COL6A2: variants seen among roughly 807,000 people sequenced by gnomAD.
COL6A2 encodes collagen alpha-2(VI) chain.
Under a neutral mutation model 124.9 loss-of-function variants are expected in COL6A2, and 90 were observed. The observed-to-expected ratio is 0.72, with a 90% CI of 0.61 to 0.86. The LOEUF (loss-of-function observed/expected upper bound fraction) is 0.86, where lower values mean the gene tolerates loss of function less well. Among genes scored for constraint, COL6A2 ranks in the 40% least tolerant of loss-of-function variants. The pLI is 0.00. For synonymous variants in COL6A2, 793 were observed against 618.2 expected, an observed-to-expected ratio of 1.28 and a Z score of -4.19; for missense variants, 1,607 against 1,502.5, an observed-to-expected ratio of 1.07 and a Z score of -1.15.
chr21:46,129,025 C>T (rs1258381894), intron 27 of COL6A2: 27 of 1,603,190 alleles, frequency 1.7e-5, no homozygotes, highest in Non-Finnish European at 2.1e-5. Context: ...ACTGCCCCCA[C>T]GCCTCCTGCC....
intron 1 of COL6A2, among the ~76,000 whole-genome samples, chr21:46,107,270 C>G (rs999760462): frequency 6.6e-6 from 1 of 151,962 alleles, no homozygotes; most frequent in Admixed American, 6.6e-5. Flanking sequence ...TTTTATCTTG[C>G]CTATATTCTT....
chr21:46,099,887 G>GTTTTTT (rs2078269010), intron 1 of COL6A2, among the ~76,000 whole-genome samples: 1 of 61,426 alleles, frequency 1.6e-5, no homozygotes, highest in African/African-American at 4.3e-5. Flanking sequence ...TAGCAGCACT[G>GTTTTTT]TCTTTTTTTT....
At chr21:46,122,357 G>T in intron 19 of COL6A2, 139 bp from the exon 20 acceptor site, 1 of 1,322,112 alleles carries the variant, frequency 7.6e-7, no homozygotes, top group Non-Finnish European at 1.1e-6. Context: ...AAAGAGCACA[G>T]CTCAGAACGC....
At chr21:46,117,475 C>T (rs370586142) in intron 11 of COL6A2, 22 bp downstream of exon 11, 104 of 1,611,618 alleles carry the variant, frequency 6.5e-5, no homozygotes, top group Middle Eastern at 1.7e-4. Flanking sequence ...TTGCACCCCT[C>T]CTTCAGCCTC....
At chr21:46,122,272 G>GT (rs1316838083) in intron 19 of COL6A2, 114 bp downstream of exon 19, 3 of 1,324,376 alleles carry the variant, frequency 2.3e-6, no homozygotes, top group Non-Finnish European at 3.2e-6. Context: ...AAAGTGTGAG[G>GT]TCCCTCCTGC....
Position 46,112,258 on chromosome 21 carries a change from C to G in COL6A2, c.395C>G (p.Thr132Ser). Residue 132 changes from threonine to serine, a missense_variant, in exon 3 of 28, where the codon ACC (threonine) becomes AGC (serine). This residue lies in a region of COL6A2 where 342 missense variants were observed against 381.5 expected (regional missense o/e 0.90). Coordinates refer to ENST00000300527, the MANE Select transcript of COL6A2 (RefSeq NM_001849.4). ...LQGISSFRRGTFTDCALANMT... is the reference protein window; with the variant it reads ...LQGISSFRRGSFTDCALANMT... ...GGCATCAGCTCCTTCCGCCGCGGCA[C>G]CTTCACCGACTGCGCGCTGGCCAAC... 6.2e-7 allele frequency: 1 copy of G among 1,612,806 alleles called. No individual in the cohort carries two copies. The highest frequency in any genetic ancestry group is 8.5e-7 in the Non-Finnish European group (1 of 1,179,990).
chr21:46,102,179 T>C (rs1011497541), intron 1 of COL6A2, among the ~76,000 whole-genome samples: 1 of 152,188 alleles, frequency 6.6e-6, no homozygotes, highest in African/African-American at 2.4e-5. Context: ...ATTGTTTTCT[T>C]AATTTCCTTT....
At chr21:46,123,920 G>A (rs1038072411) in intron 21 of COL6A2, among the ~76,000 whole-genome samples, 2 of 33,640 alleles carry the variant, frequency 5.9e-5, no homozygotes, top group East Asian at 6.9e-4. Context: ...GGTGGATAGA[G>A]GATGGATGGT....
rs751352333 is a variant in COL6A2 at position 46,128,861 on chromosome 21, G to T, written c.2461+2320G>T. 2.6e-6 allele frequency: 4 copies of T among 1,546,714 alleles called. No homozygotes were observed. The South Asian group carries it at 4.5e-5, about 17-fold the overall frequency. On this transcript the variant is annotated intron_variant, in intron 27 of 27. Transcript: ENST00000300527. ...GGGTCTTCCTGGCGACGGGCCTGCG[G>T]CACTGGAAGCCCTACTGGAGTTTGG...
rs150253422 is a variant in COL6A2 at position 46,125,610 on chromosome 21, C to A, written c.1962C>A (p.Ser654=). The A allele has an allele frequency of 5.6e-6, 9 of 1,611,362 alleles. No homozygotes were observed. In the East Asian group the frequency reaches 8.9e-5, roughly 16 times the overall value. Residue 654 remains serine (S), a synonymous_variant, in exon 25 of 28, where the codon TCC becomes TCA. Coordinates refer to ENST00000300527, the MANE Select transcript of COL6A2 (RefSeq NM_001849.4). The stretch of plus-strand genomic sequence containing the variant: ...GTGCCATCGCTAAGGACCCCAAGTC[C>A]GAGACAGGTCAGCGGGGCAGGGGCG... The part of the protein sequence containing the change: ...RLGAIAKDPK[S]ETGTRVGVVQ...
intron 16 of COL6A2, 42 bp downstream of exon 16, chr21:46,120,619 GA>G (rs533909701): frequency 7.0e-7 from 1 of 1,437,738 alleles, no homozygotes; most frequent in African/African-American, 1.4e-5. Flanking sequence ...TAGGGGATCT[GA>G]GGGGGTGCAG....
rs372913372 is a variant in COL6A2 at position 46,126,060 on chromosome 21, G to A, written c.2245G>A (p.Asp749Asn). 2.5e-5 allele frequency: 41 copies of A among 1,612,884 alleles called. No homozygotes were observed. Among genetic ancestry groups the A allele is most frequent in the African/African-American group, 8.0e-5 (6 of 74,928 alleles). The change falls in exon 26 of 28, where the codon GAC (aspartate) becomes AAC (asparagine). Residue 749 changes from aspartate to asparagine, a missense_variant. Physicochemically the swap from Asp to Asn is conservative, Grantham distance 23. This residue lies in a region of COL6A2 where 1,223 missense variants were observed against 1,052.2 expected (regional missense o/e 1.16). Coordinates refer to ENST00000300527, the MANE Select transcript of COL6A2 (RefSeq NM_001849.4). ...DDDLNLRALC[D>N]RDVTVTAIGI... ...TGACCTCAACTTGCGGGCGCTGTGCGACCGCGACGTCACAGTGACGGCCAT... is the reference window on the plus strand; with the variant it reads ...TGACCTCAACTTGCGGGCGCTGTGCAACCGCGACGTCACAGTGACGGCCAT...
chr21:46,118,781 C>T (rs1303902876), intron 13 of COL6A2, 105 bp downstream of exon 13: 36 of 1,349,786 alleles, frequency 2.7e-5, no homozygotes, highest in South Asian at 1.2e-4. Flanking sequence ...ACCATGGTGC[C>T]GCATTGGGCT....
At position 46,132,491 on chromosome 21, in the gene COL6A2, A is replaced by G. The variant is rs982109531; in HGVS notation, c.2999A>G (p.Lys1000Arg). Residue 1000 changes from lysine to arginine, a missense_variant, in exon 28 of 28, where the codon AAG (lysine) becomes AGG (arginine). This residue lies in a region of COL6A2 where 1,223 missense variants were observed against 1,052.2 expected (regional missense o/e 1.16). Transcript: ENST00000300527. ...LGDRAAVFHE[K>R]DYDSLAQPGF... ...GACCGCGCCGCCGTGTTCCACGAGA[A>G]GGACTATGACAGCCTGGCGCAACCC... 1.2e-6 allele frequency: 2 copies of G among 1,607,494 alleles called. No homozygotes were observed. The highest frequency in any genetic ancestry group is 2.7e-5 in the African/African-American group (2 of 74,854).
At chr21:46,105,252 G>C (rs967971386) in intron 1 of COL6A2, among the ~76,000 whole-genome samples, 2 of 152,130 alleles carry the variant, frequency 1.3e-5, no homozygotes, top group Non-Finnish European at 1.5e-5. Flanking sequence ...CAAGCATGGT[G>C]GTGCACACCT....
At position 46,132,076 on chromosome 21, in the gene COL6A2, C is replaced by T. The variant is rs777822883; in HGVS notation, c.2584C>T (p.Arg862Trp). 8.5e-5 allele frequency: 137 copies of T among 1,602,804 alleles called. No individual in the cohort carries two copies. The highest frequency in any genetic ancestry group is 3.2e-4 in the Admixed American group (19 of 59,344). ...ARRFVEQVARRLTLARRDDDP... is the reference protein window; with the variant it reads ...ARRFVEQVARWLTLARRDDDP... The stretch of plus-strand genomic sequence containing the variant: ...GCGCTTCGTGGAGCAGGTGGCGCGG[C>T]GGCTGACGCTGGCCCGGAGGGACGA... The change falls in exon 28 of 28, where the codon CGG becomes TGG. Residue 862 changes from arginine (R) to tryptophan (W), a missense_variant. By Grantham distance (101) the Arg-to-Trp change is moderately radical. Transcript: ENST00000300527.
rs727502829 is a variant in COL6A2, at chr21:46,121,562, C to T, written c.1465C>T (p.Arg489Trp). Residue 489 changes from arginine to tryptophan, a missense_variant, in exon 18 of 28, where the codon CGG becomes TGG. By Grantham distance (101) the Arg-to-Trp change is moderately radical (BLOSUM62 -3). Around this residue, in one of 3 missense-constraint regions of COL6A2, gnomAD observed 1,223 missense variants for 1,052.2 expected, o/e 1.16. Transcript: ENST00000300527. ...ALGEPGKQGS[R>W]GDPGDAGPRG... ...ATTTCTCTCCTGCCCTCAGGGATCT[C>T]GGGGAGACCCCGGTGATGCAGGACC... 3.2e-5 allele frequency: 51 copies of T among 1,612,818 alleles called. 1 individual carries two copies. In the Middle Eastern group the frequency reaches 2.6e-3, roughly 83 times the overall value.
At chr21:46,104,293 A>G (rs1184227978) in intron 1 of COL6A2, among the ~76,000 whole-genome samples, 2 of 152,230 alleles carry the variant, frequency 1.3e-5, no homozygotes, top group African/African-American at 2.4e-5. Context: ...AGAAAGTGAA[A>G]GAAAATGTAG....
In COL6A2 at chr21:46,120,143, T is replaced by C. The variant is rs13047567; in HGVS notation, c.1332+293T>C. On this transcript the variant is annotated intron_variant, in intron 15 of 27. Coordinates refer to ENST00000300527, the MANE Select transcript of COL6A2 (RefSeq NM_001849.4). ...CCCCGGCCCCCACTGAGGCACCTCTTACCCCCAGCCCACTGAGGCATTGCT... is the reference window on the plus strand; with the variant it reads ...CCCCGGCCCCCACTGAGGCACCTCTCACCCCCAGCCCACTGAGGCATTGCT... 0.093 allele frequency among the ~76,000 whole-genome samples: 6,431 copies of C among 69,488 alleles called. 199 individuals carry two copies. Among genetic ancestry groups the C allele is most frequent in the Middle Eastern group, 0.23 (28 of 124 alleles). 45.6% of individuals were successfully genotyped at this position (69,488 alleles called of 152,430 possible).
Sources: gnomAD v4.1 joint callset for allele counts (sites outside exome capture counted in the v4.1 genomes callset) on GRCh38, gnomAD v4.1.1 for gene constraint, gnomAD v4.1.1 regional missense constraint, MANE v1.5 for transcripts, NCBI Gene and HGNC (gene_info 2026-07-23, HGNC 2026-07-21) for gene names.